The following HMGB1 variants were observed in gnomAD, a reference collection of about 807,000 sequenced individuals.
HMGB1 encodes the protein high mobility group protein B1.
For synonymous variants in HMGB1, 81 were observed against 84.0 expected, an observed-to-expected ratio of 0.96 and a Z score of 0.19; for missense variants, 79 against 253.5, an observed-to-expected ratio of 0.31 and a Z score of 4.67.
intron 1 of HMGB1, among the ~76,000 whole-genome samples, chr13:30,479,773 G>A (rs1164668039): frequency 6.6e-6 from 1 of 152,160 alleles, no homozygotes; most frequent in African/African-American, 2.4e-5. Flanking sequence ...TACCTAAAGA[G>A]CTCAGCCTAC....
chr13:30,471,613 C>A lies in HMGB1; in HGVS notation c.-14-7919G>T, dbSNP rs898542074. 2.0e-5 allele frequency among the ~76,000 whole-genome samples: 3 copies of A among 149,492 alleles called. No homozygotes were observed. In the Admixed American group the frequency reaches 2.0e-4, roughly 10 times the overall value. ...CAGGTGATCCACCCGCCTCCGCCTCCCAAAGTGCTGGGATTACAGGCATGA... is the reference window on the plus strand; with the variant it reads ...CAGGTGATCCACCCGCCTCCGCCTCACAAAGTGCTGGGATTACAGGCATGA... On this transcript the variant is annotated intron_variant, in intron 1 of 4. Coordinates refer to the HMGB1 transcript ENST00000405805.
At chr13:30,502,262 C>A (rs565531958) in intron 1 of HMGB1, among the ~76,000 whole-genome samples, 1 of 152,140 alleles carries the variant, frequency 6.6e-6, no homozygotes, top group African/African-American at 2.4e-5. Flanking sequence ...GCCTCTGCTA[C>A]GTGTAGGCAC....
chr13:30,464,655 C>T, intron 1 of HMGB1: 1 of 983,664 alleles, frequency 1.0e-6, no homozygotes, highest in Non-Finnish European at 1.2e-6. Context: ...TGGCTCCGCC[C>T]GCGGCCGCCG....
rs1886760983 is a variant in HMGB1, at chr13:30,465,891, G to C, written c.-110C>G. The C allele has an allele frequency of 1.0e-6, 1 of 985,862 alleles. No individual in the cohort carries two copies. The highest frequency in any genetic ancestry group is 1.7e-5 in the African/African-American group (1 of 57,370). 61.1% of individuals were successfully genotyped at this position (985,862 alleles called of 1,614,324 possible). On this transcript the variant is annotated 5_prime_UTR_variant, in exon 1 of 5. Coordinates refer to ENST00000341423, the MANE Select transcript of HMGB1 (RefSeq NM_002128.7). ...TCAATGTACTGCAATGGCTGTGAGA[G>C]CGGGAGCCAGACGCAGCCTCCTCAC... is the stretch of plus-strand genomic sequence containing the variant.
chr13:30,554,560 A>T, intron 1 of HMGB1: 1 of 780,310 alleles, frequency 1.3e-6, no homozygotes, highest in Non-Finnish European at 2.4e-6. Flanking sequence ...AGGAAAACTT[A>T]GCTCCTGCTT....
intron 1 of HMGB1, among the ~76,000 whole-genome samples, chr13:30,519,242 A>C (rs1022301030): frequency 5.3e-5 from 8 of 151,652 alleles, no homozygotes; most frequent in Non-Finnish European, 8.8e-5. Flanking sequence ...AAAATACAAA[A>C]ATTAGGGAGA....
intron 1 of HMGB1, among the ~76,000 whole-genome samples, chr13:30,539,144 G>A (rs553285711): frequency 5.9e-5 from 9 of 152,276 alleles, no homozygotes; most frequent in East Asian, 1.9e-4. Context: ...TGATCCGCCC[G>A]CCTCAGCCTC....
At chr13:30,537,734 T>C (rs991144964) in intron 1 of HMGB1, among the ~76,000 whole-genome samples, 1 of 145,630 alleles carries the variant, frequency 6.9e-6, no homozygotes, top group Non-Finnish European at 1.5e-5. Flanking sequence ...GATGGACTTG[T>C]GACTATTTCC....
At chr13:30,510,345 T>G (rs1340353631) in intron 1 of HMGB1, among the ~76,000 whole-genome samples, 1 of 152,236 alleles carries the variant, frequency 6.6e-6, no homozygotes, top group Non-Finnish European at 1.5e-5. Flanking sequence ...TAAATCTCTC[T>G]CAAATCCTTT....
chr13:30,612,829 T>A (rs1950524867), intron 1 of HMGB1, among the ~76,000 whole-genome samples: 1 of 152,228 alleles, frequency 6.6e-6, no homozygotes, highest in Non-Finnish European at 1.5e-5. Context: ...TTATAGAACG[T>A]TATTTTGTCA....
rs374037556 is a variant in HMGB1 at position 30,505,383 on chromosome 13, T to G, written c.-14-41689A>C. 1.2e-4 allele frequency among the ~76,000 whole-genome samples: 18 copies of G among 151,926 alleles called. No homozygotes were observed. In the East Asian group the frequency reaches 2.3e-3, roughly 20 times the overall value. On this transcript the variant is annotated intron_variant, in intron 1 of 4. Transcript: ENST00000405805. ...TTAGTAGAGACAGGGTTTCACCGTG[T>G]TAGCCAGGATGGTCTCCATCTCCTG... is the stretch of plus-strand genomic sequence containing the variant.
At chr13:30,531,497 A>G (rs1018822240) in intron 1 of HMGB1, among the ~76,000 whole-genome samples, 4 of 146,328 alleles carry the variant, frequency 2.7e-5, no homozygotes, top group African/African-American at 7.8e-5. Context: ...CTGCTATGCT[A>G]GGTAACATAT....
At chr13:30,610,666 G>A (rs1238883496) in intron 1 of HMGB1, among the ~76,000 whole-genome samples, 1 of 151,720 alleles carries the variant, frequency 6.6e-6, no homozygotes, top group Middle Eastern at 3.2e-3. Context: ...TATTTTGTAT[G>A]AAGTAACAAA....
intron 1 of HMGB1, among the ~76,000 whole-genome samples, chr13:30,534,833 TC>T (rs1888577886): frequency 6.6e-6 from 1 of 152,150 alleles, no homozygotes; most frequent in South Asian, 2.1e-4. Flanking sequence ...CGCCCTGGCC[TC>T]CCAAAGTGCT....
At chr13:30,495,001 C>T (rs1013045099) in intron 1 of HMGB1, among the ~76,000 whole-genome samples, 4 of 152,198 alleles carry the variant, frequency 2.6e-5, no homozygotes, top group African/African-American at 9.7e-5. Flanking sequence ...TCTGTGTGAG[C>T]ATTTCCTTCA....
intron 1 of HMGB1, among the ~76,000 whole-genome samples, chr13:30,527,314 C>T (rs542918874): frequency 6.6e-6 from 1 of 152,298 alleles, no homozygotes; most frequent in Non-Finnish European, 1.5e-5. Flanking sequence ...GGCCTGTCAG[C>T]TCACCAAGGA....
intron 1 of HMGB1, among the ~76,000 whole-genome samples, chr13:30,503,515 T>G (rs879588434): frequency 6.6e-6 from 1 of 152,082 alleles, no homozygotes; most frequent in African/African-American, 2.4e-5. Flanking sequence ...TACTGTATCT[T>G]TTATGGATAA....
At chr13:30,492,782 G>C (rs1458829497) in intron 1 of HMGB1, among the ~76,000 whole-genome samples, 1 of 152,080 alleles carries the variant, frequency 6.6e-6, no homozygotes, top group Non-Finnish European at 1.5e-5. Context: ...CCTGAGGTCA[G>C]GAGTTCGACA....
Position 30,508,806 on chromosome 13 carries a change from C to A in HMGB1, c.-14-45112G>T, listed in dbSNP as rs145116660. Among the ~76,000 whole-genome samples, 33 of 152,320 alleles carry A rather than the reference C, an allele frequency of 2.2e-4. No individual in the cohort carries two copies. The East Asian group carries it at 6.4e-3, about 29-fold the overall frequency. ...CAAACACTTTTTCACATTAATCATT[C>A]ATTAGCTGTGCTTTTGGAAATCAAA... On this transcript the variant is annotated intron_variant, in intron 1 of 4. Transcript: ENST00000405805.
Sources: gnomAD v4.1 joint callset for allele counts (sites outside exome capture counted in the v4.1 genomes callset) on GRCh38, gnomAD v4.1.1 for gene constraint, MANE v1.5 for transcripts, NCBI Gene and HGNC (gene_info 2026-07-23, HGNC 2026-07-21) for gene names.